Variants in NELL1 observed in about 807,000 individuals in gnomAD.
NELL1 encodes protein kinase C-binding protein NELL1.
A neutral mutation model predicts 107.4 loss-of-function variants in NELL1; 76 were observed. That is an observed-to-expected ratio of 0.71 (90% CI 0.59 to 0.86). NELL1 has a LOEUF of 0.86. Ranked by LOEUF, NELL1 falls within the 40% of genes least tolerant of loss-of-function variation. The pLI is 0.00. For synonymous variants in NELL1, 353 were observed against 341.2 expected (o/e 1.03, Z -0.38); for missense variants, 1,024 against 1,005.5 (o/e 1.02, Z -0.25).
chr11:21,447,766 C>G (rs555595235), intron 15 of NELL1, among the ~76,000 whole-genome samples: 4 of 152,094 alleles, frequency 2.6e-5, no homozygotes, highest in Admixed American at 6.5e-5. Flanking sequence ...TTGCATACCC[C>G]CCAAGTCCTC....
intron 15 of NELL1, chr11:21,503,939 A>G (rs1268795937): frequency 1.3e-5 from 2 of 152,174 alleles, no homozygotes; most frequent in Non-Finnish European, 2.9e-5. Flanking sequence ...TCTAATAATT[A>G]CTATGATATC....
At chr11:21,124,995 C>G (rs1855457447) in intron 13 of NELL1, among the ~76,000 whole-genome samples, 2 of 152,070 alleles carry the variant, frequency 1.3e-5, no homozygotes, top group African/African-American at 4.8e-5. Flanking sequence ...CTAATCACTC[C>G]CAAGGCCCCA....
intron 3 of NELL1, among the ~76,000 whole-genome samples, chr11:20,815,247 T>C (rs959788529): frequency 1.3e-5 from 2 of 152,038 alleles, no homozygotes; most frequent in African/African-American, 4.8e-5. Flanking sequence ...GTATTTTTAG[T>C]AGAGACAGGG....
chr11:20,737,157 C>T (rs1242350196), intron 2 of NELL1, among the ~76,000 whole-genome samples: 1 of 151,788 alleles, frequency 6.6e-6, no homozygotes, highest in African/African-American at 2.4e-5. Flanking sequence ...ATTATTTCTC[C>T]TCATTCTAGA....
chr11:21,262,366 G>C (rs1475527746), intron 14 of NELL1, among the ~76,000 whole-genome samples: 4 of 151,712 alleles, frequency 2.6e-5, no homozygotes, highest in Non-Finnish European at 5.9e-5. Flanking sequence ...TTAGTTGACC[G>C]CTCTGGCTTG....
At chr11:21,568,823 T>A (rs1043264345) in intron 17 of NELL1, among the ~76,000 whole-genome samples, 1 of 151,548 alleles carries the variant, frequency 6.6e-6, no homozygotes, top group African/African-American at 2.4e-5. Context: ...AATGCCTTCT[T>A]CTGGAATACC....
chr11:20,790,500 T>G (rs757434513), intron 3 of NELL1, among the ~76,000 whole-genome samples: 2 of 152,158 alleles, frequency 1.3e-5, no homozygotes, highest in Non-Finnish European at 2.9e-5. Flanking sequence ...GTGGGGTCCT[T>G]CCCAGGTCTC....
chr11:21,152,564 T>A (rs1027835992), intron 13 of NELL1, among the ~76,000 whole-genome samples: 1 of 152,162 alleles, frequency 6.6e-6, no homozygotes, highest in Non-Finnish European at 1.5e-5. Flanking sequence ...CCTATAATAA[T>A]GTTGACCTTG....
chr11:21,234,460 T>C (rs1034682603), intron 14 of NELL1, among the ~76,000 whole-genome samples: 25 of 152,172 alleles, frequency 1.6e-4, no homozygotes, highest in African/African-American at 5.5e-4. Flanking sequence ...CAGTGCACCA[T>C]GATTGGGCGT....
At chr11:21,270,903 C>A (rs1009683333) in intron 14 of NELL1, among the ~76,000 whole-genome samples, 2 of 152,080 alleles carry the variant, frequency 1.3e-5, no homozygotes, top group Non-Finnish European at 2.9e-5. Context: ...GGGGATTAAA[C>A]AACACACTTT....
rs1857020228 is a variant in NELL1 at position 21,190,213 on chromosome 11, A to C, written c.1427-39119A>C. On this transcript the variant is annotated intron_variant, in intron 13 of 19. Transcript: ENST00000357134. ...TCTAAAATACAAAAATTAGCTGGGC[A>C]TGCTGGTGGATGCCTGTAATCCCAG... 2.6e-5 allele frequency among the ~76,000 whole-genome samples: 4 copies of C among 151,746 alleles called. No homozygotes were observed. In the South Asian group the frequency reaches 8.3e-4, roughly 31 times the overall value.
intron 13 of NELL1, among the ~76,000 whole-genome samples, chr11:21,217,796 C>T (rs1204771749): frequency 1.3e-5 from 2 of 152,138 alleles, no homozygotes; most frequent in Admixed American, 1.3e-4. Flanking sequence ...AAACGTGGGG[C>T]ATTTGTAGCC....
rs146411141 is a variant in NELL1, at chr11:20,896,441, G to C, written c.603+10901G>C. Among the ~76,000 whole-genome samples, 106 of 152,292 alleles carry C rather than the reference G, an allele frequency of 7.0e-4. 1 individual carries two copies. Among genetic ancestry groups the C allele is most frequent in the African/African-American group, 2.4e-3 (101 of 41,554 alleles). ...TTGAGAATTGTGCTGCTATAACCGTGTGTATGTCTTTTTCATATAATGACT... is the reference window on the plus strand; with the variant it reads ...TTGAGAATTGTGCTGCTATAACCGTCTGTATGTCTTTTTCATATAATGACT... On this transcript the variant is annotated intron_variant, in intron 5 of 19. Coordinates refer to ENST00000357134, the MANE Select transcript of NELL1 (RefSeq NM_006157.5).
intron 12 of NELL1, among the ~76,000 whole-genome samples, chr11:20,979,613 G>C (rs560283847): frequency 6.6e-6 from 1 of 152,298 alleles, no homozygotes; most frequent in South Asian, 2.1e-4. Context: ...TGGAATTTTT[G>C]AGTATCTGAG....
At chr11:21,517,201 C>G (rs72959323) in intron 15 of NELL1, among the ~76,000 whole-genome samples, 4 of 152,272 alleles carry the variant, frequency 2.6e-5, no homozygotes, top group Non-Finnish European at 5.9e-5. Flanking sequence ...GGGACCTCAA[C>G]TTTTCTACAT....
chr11:21,037,431 C>T (rs953618829), intron 12 of NELL1, among the ~76,000 whole-genome samples: 1 of 151,982 alleles, frequency 6.6e-6, no homozygotes, highest in Non-Finnish European at 1.5e-5. Context: ...TGTGCTTATA[C>T]AATTCTAGGG....
chr11:21,007,388 G>GAC (rs66809505), intron 12 of NELL1, among the ~76,000 whole-genome samples: 3,462 of 149,192 alleles, frequency 0.023, 68 homozygotes, highest in African/African-American at 0.059. Flanking sequence ...CACACACACA[G>GAC]ACACACACAC....
At chr11:21,157,350 A>G (rs1856266601) in intron 13 of NELL1, among the ~76,000 whole-genome samples, 1 of 152,112 alleles carries the variant, frequency 6.6e-6, no homozygotes, top group Non-Finnish European at 1.5e-5. Flanking sequence ...GTAGTATTAG[A>G]TATATTTATT....
intron 14 of NELL1, among the ~76,000 whole-genome samples, chr11:21,230,031 A>G (rs1858001903): frequency 1.3e-5 from 2 of 152,078 alleles, no homozygotes; most frequent in Non-Finnish European, 2.9e-5. Flanking sequence ...ACCTCAGCCT[A>G]CTGGGTCCCT....
Sources: gnomAD v4.1 joint callset for allele counts (sites outside exome capture counted in the v4.1 genomes callset) on GRCh38, gnomAD v4.1.1 for gene constraint, MANE v1.5 for transcripts, NCBI Gene and HGNC (gene_info 2026-07-23, HGNC 2026-07-21) for gene names.